Variants in MANBA observed in about 807,000 individuals in gnomAD.
MANBA encodes the protein mannosidase beta, also known as beta-mannosidase.
Under a neutral mutation model 111.1 loss-of-function variants are expected in MANBA, and 83 were observed. The ratio of observed to expected loss-of-function variants is 0.75; its 90% CI spans 0.63 to 0.90. The LOEUF is 0.90. Among genes scored for constraint, MANBA ranks in the 40% least tolerant of loss-of-function variants. The pLI, the probability that MANBA is intolerant of heterozygous loss-of-function variation, is 0.00. For synonymous variants in MANBA, 370 were observed against 378.7 expected (o/e 0.98, Z 0.27); for missense variants, 1,036 against 1,069.0 (o/e 0.97, Z 0.43).
intron 1 of MANBA, chr4:102,752,735 G>A (rs146319645): frequency 5.8e-5 from 22 of 380,254 alleles, no homozygotes; most frequent in African/African-American, 2.5e-4. Context: ...GAAAGCAGCC[G>A]TTTGAAATTT....
At chr4:102,708,365 C>T (rs1380537545) in intron 5 of MANBA, among the ~76,000 whole-genome samples, 1 of 151,964 alleles carries the variant, frequency 6.6e-6, no homozygotes, top group African/African-American at 2.4e-5. Flanking sequence ...GAAACCTGCA[C>T]AAGCACATGG....
Position 102,720,529 on chromosome 4 carries a change from C to T in MANBA, c.549+2342G>A, listed in dbSNP as rs1055061643. 3.2e-4 allele frequency among the ~76,000 whole-genome samples: 48 copies of T among 151,452 alleles called. 3 individuals carry two copies. The highest frequency in any genetic ancestry group is 2.8e-3 in the Admixed American group (42 of 15,184). The stretch of plus-strand genomic sequence containing the variant: ...CTGAGGCAGGAGAATCACTTGAACC[C>T]GGGAGGCAGAGGTTGCAGTGAGCCG... On this transcript the variant is annotated intron_variant, in intron 4 of 16. Transcript: ENST00000647097.
chr4:102,712,604 T>A (rs1384777479), intron 5 of MANBA, among the ~76,000 whole-genome samples: 2 of 151,858 alleles, frequency 1.3e-5, no homozygotes, highest in African/African-American at 4.8e-5. Flanking sequence ...ACAGCAGCTC[T>A]ACCTCCTGAG....
chr4:102,756,556 C>G (rs904387597), intron 1 of MANBA, among the ~76,000 whole-genome samples: 127 of 151,532 alleles, frequency 8.4e-4, no homozygotes, highest in Non-Finnish European at 4.7e-4. Flanking sequence ...TGCAGCACAC[C>G]AACATGGCAC....
intron 5 of MANBA, among the ~76,000 whole-genome samples, chr4:102,712,000 G>A (rs899222049): frequency 1.3e-5 from 2 of 152,130 alleles, no homozygotes; most frequent in Admixed American, 6.5e-5. Flanking sequence ...ATGTTTGACA[G>A]CATAATAGTG....
intron 7 of MANBA, among the ~76,000 whole-genome samples, chr4:102,682,146 CA>C (rs1244673574): frequency 0.036 from 2,265 of 62,308 alleles, 20 homozygotes; most frequent in Non-Finnish European, 0.054. Context: ...AACTCTGTCT[CA>C]AAAAAAAAAA....
intron 1 of MANBA, among the ~76,000 whole-genome samples, chr4:102,742,495 C>T (rs1723439572): frequency 6.6e-6 from 1 of 152,128 alleles, no homozygotes; most frequent in African/African-American, 2.4e-5. Context: ...AAAGTATTGT[C>T]ACCCAGTTGG....
At chr4:102,740,277 T>C (rs1417855028) in intron 1 of MANBA, among the ~76,000 whole-genome samples, 1 of 152,178 alleles carries the variant, frequency 6.6e-6, no homozygotes, top group Non-Finnish European at 1.5e-5. Context: ...CATGAAACAC[T>C]GCTAAAAGAA....
chr4:102,680,872 A>G (rs1253673655), intron 7 of MANBA, among the ~76,000 whole-genome samples: 1 of 152,240 alleles, frequency 6.6e-6, no homozygotes, highest in Admixed American at 6.5e-5. Context: ...TACCTTCCCT[A>G]TGACCAGTTC....
chr4:102,654,012 A>T (rs1730452973), intron 12 of MANBA, among the ~76,000 whole-genome samples: 1 of 152,092 alleles, frequency 6.6e-6, no homozygotes. Flanking sequence ...TACCCACTCC[A>T]CTTTGCCTGA....
In MANBA at chr4:102,675,927, T is replaced by C. The variant is rs545809297; in HGVS notation, c.961-1857A>G. Among the ~76,000 whole-genome samples, 275 of 151,830 alleles carry C rather than the reference T, an allele frequency of 1.8e-3. 2 individuals carry two copies. The highest frequency in any genetic ancestry group is 3.4e-3 in the Non-Finnish European group (231 of 67,960). ...CAGAGTTTGCAGCGAGCCAAGATTA[T>C]GCCATTGCACTCCAGCCTGGGCTAC... On this transcript the variant is annotated intron_variant, in intron 7 of 16. Coordinates refer to ENST00000647097, the MANE Select transcript of MANBA (RefSeq NM_005908.4).
intron 5 of MANBA, among the ~76,000 whole-genome samples, chr4:102,709,398 GAAAAAAAAGAA>G (rs1721946630): frequency 1.1e-5 from 1 of 93,916 alleles, no homozygotes; most frequent in African/African-American, 3.3e-5. Flanking sequence ...AAGAAAGAAA[GAAAAAAAAGAA>G]AGAAAGAAAG....
At chr4:102,641,689 A>G (rs1488836696) in intron 13 of MANBA, among the ~76,000 whole-genome samples, 1 of 152,118 alleles carries the variant, frequency 6.6e-6, no homozygotes, top group Non-Finnish European at 1.5e-5. Context: ...TCTCTAAACT[A>G]TATCAATTTT....
chr4:102,661,976 T>C (rs1233870374), intron 11 of MANBA, among the ~76,000 whole-genome samples: 3 of 152,220 alleles, frequency 2.0e-5, no homozygotes, highest in Non-Finnish European at 2.9e-5. Context: ...GTAGTGGTTA[T>C]GTAGCTTTTA....
chr4:102,651,356 C>G (rs1331163983), intron 12 of MANBA, among the ~76,000 whole-genome samples: 1 of 151,918 alleles, frequency 6.6e-6, no homozygotes, highest in African/African-American at 2.4e-5. Flanking sequence ...TTTATTTTAT[C>G]CCCTAACTTA....
chr4:102,634,758 C>T (rs1365350337), intron 16 of MANBA, 30 bp downstream of exon 16: 2 of 1,612,256 alleles, frequency 1.2e-6, no homozygotes, highest in Non-Finnish European at 1.7e-6. Flanking sequence ...AGGCCACAGT[C>T]CCCTGCCCTC....
At chr4:102,640,038 C>T (rs1450696518) in intron 13 of MANBA, among the ~76,000 whole-genome samples, 181 bp from the exon 14 acceptor site, 1 of 151,906 alleles carries the variant, frequency 6.6e-6, no homozygotes, top group African/African-American at 2.4e-5. Context: ...AGCCCCTTAG[C>T]ATGAGAGAAG....
chr4:102,722,760 G>C lies in MANBA; in HGVS notation c.549+111C>G, dbSNP rs1722633730. 45 of 1,123,276 alleles carry C rather than the reference G, an allele frequency of 4.0e-5. No homozygotes were observed. The South Asian group carries it at 5.4e-4, about 13-fold the overall frequency. The allele number at this position is 1,123,276 out of a possible 1,614,324, so 69.6% of individuals were successfully genotyped here. ...TTTTCAAACCCCACTAAGGGATCAGGAAAGAGATTCCTAACTTCTGAAATG... is the reference window on the plus strand; with the variant it reads ...TTTTCAAACCCCACTAAGGGATCAGCAAAGAGATTCCTAACTTCTGAAATG... On this transcript the variant is annotated intron_variant, in intron 4 of 16. Coordinates refer to ENST00000647097, the MANE Select transcript of MANBA (RefSeq NM_005908.4).
intron 13 of MANBA, among the ~76,000 whole-genome samples, chr4:102,641,307 A>T (rs1729869948): frequency 6.6e-6 from 1 of 152,194 alleles, no homozygotes; most frequent in African/African-American, 2.4e-5. Flanking sequence ...GCTGGTGAGA[A>T]TTGCAGGGGC....
Sources: gnomAD v4.1 joint callset for allele counts (sites outside exome capture counted in the v4.1 genomes callset) on GRCh38, gnomAD v4.1.1 for gene constraint, MANE v1.5 for transcripts, NCBI Gene and HGNC (gene_info 2026-07-23, HGNC 2026-07-21) for gene names.